SNX11: variants seen among roughly 807,000 people sequenced by gnomAD.
The protein encoded by SNX11 is sorting nexin-11.
SNX11 carries 19 observed loss-of-function variants against 30.7 expected under a neutral mutation model. That is an observed-to-expected ratio of 0.62 (90% CI 0.43 to 0.91). The LOEUF is 0.91. Among genes scored for constraint, SNX11 ranks in the 40% least tolerant of loss-of-function variants. The probability of loss-of-function intolerance (pLI) is 0.00; values close to 1 mark genes in which losing one functional copy is unlikely to be tolerated. For synonymous variants in SNX11, 112 were observed against 119.0 expected (o/e 0.94, Z 0.38); for missense variants, 302 against 326.7 (o/e 0.92, Z 0.58).
At chr17:48,119,298 C>T (rs966287281) in intron 6 of SNX11, 112 bp downstream of exon 6, 2 of 856,802 alleles carry the variant, frequency 2.3e-6, no homozygotes, top group East Asian at 2.6e-5. Flanking sequence ...CCTTTCACAA[C>T]CTTTCTTGTT....
Position 48,122,429 on chromosome 17 carries a change from A to G in SNX11, c.*921A>G, listed in dbSNP as rs78252109. 6.5e-6 allele frequency: 1 copy of G among 153,480 alleles called. No homozygotes were observed. The highest frequency in any genetic ancestry group is 1.5e-5 in the Non-Finnish European group (1 of 68,106). The allele number at this position is 153,480 out of a possible 1,614,324, so 9.5% of individuals were successfully genotyped here. ...AAGGGCTTTGTTTCTGCCTGCCTGA[A>G]AGAGAGGGCTCTGGGGATGGAGATG... On this transcript the variant is annotated 3_prime_UTR_variant, in exon 7 of 7. Transcript: ENST00000359238.
rs1480072258 is a variant in SNX11, at chr17:48,109,161, G to A, written c.-14+1323G>A. ...TTGGCCAGGCTGTTCTTGAACTCCTGGCCTCAAGTGTTCTGCCCGCCTCAG... is the reference window on the plus strand; with the variant it reads ...TTGGCCAGGCTGTTCTTGAACTCCTAGCCTCAAGTGTTCTGCCCGCCTCAG... On this transcript the variant is annotated intron_variant, in intron 1 of 6. Coordinates refer to ENST00000359238, the MANE Select transcript of SNX11 (RefSeq NM_013323.3). Among the ~76,000 whole-genome samples the A allele has an allele frequency of 3.3e-5, 5 of 151,336 alleles. No homozygotes were observed. The East Asian group carries it at 9.7e-4, about 29-fold the overall frequency.
intron 1 of SNX11, among the ~76,000 whole-genome samples, chr17:48,108,157 C>T (rs1014144863): frequency 6.6e-6 from 1 of 152,114 alleles, no homozygotes; most frequent in Non-Finnish European, 1.5e-5. Flanking sequence ...ACTCTGGGGA[C>T]ATTTACTTAA....
intron 1 of SNX11, among the ~76,000 whole-genome samples, chr17:48,109,265 CT>C (rs35219376): frequency 3.6e-4 from 50 of 139,906 alleles, no homozygotes; most frequent in Non-Finnish European, 3.7e-4. Context: ...CTGAAACTTT[CT>C]TTTTTTTTTT....
intron 1 of SNX11, among the ~76,000 whole-genome samples, chr17:48,110,035 TTCC>T (rs1393582240): frequency 6.6e-6 from 1 of 152,164 alleles, no homozygotes; most frequent in Non-Finnish European, 1.5e-5. Flanking sequence ...GTCATCGTCT[TTCC>T]CGTTGTTAGT....
intron 4 of SNX11, among the ~76,000 whole-genome samples, chr17:48,118,347 G>C (rs575000388): frequency 6.6e-6 from 1 of 152,088 alleles, no homozygotes; most frequent in African/African-American, 2.4e-5. Flanking sequence ...TTGGGAGGCC[G>C]AGGCAGGCAG....
chr17:48,113,548 GTT>G (rs377736294), intron 4 of SNX11, 147 bp downstream of exon 4: 6,545 of 405,162 alleles, frequency 0.016, no homozygotes, highest in East Asian at 0.024. Context: ...TGTTTTTTGG[GTT>G]TTTTTTTTTT....
In SNX11 at chr17:48,121,468, C is replaced by T. The variant is rs2144538984; in HGVS notation, c.773C>T (p.Pro258Leu). ...GCTGTGGGAGGAGATCATGCTGTGC[C>T]TTTGGACCCTGGTCAGTTAGAAACA... ...RRAVGGDHAV[P>L]LDPGQLETVL... The change falls in exon 7 of 7, where the codon CCT (proline) becomes CTT (leucine). Residue 258 changes from proline to leucine, a missense_variant. Physicochemically the swap from Pro to Leu is moderately conservative, Grantham distance 98. Coordinates refer to ENST00000359238, the MANE Select transcript of SNX11 (RefSeq NM_013323.3). The T allele has an allele frequency of 1.2e-6, 2 of 1,614,004 alleles. No individual in the cohort carries two copies. The highest frequency in any genetic ancestry group is 4.5e-5 in the East Asian group (2 of 44,876).
chr17:48,119,129 G>A lies in SNX11; in HGVS notation c.482G>A (p.Trp161Ter). The change falls in exon 6 of 7, where the codon TGG (tryptophan) becomes TAG (stop). Residue 161 changes from tryptophan to a stop codon, truncating the protein, a stop_gained. Coordinates refer to ENST00000359238, the MANE Select transcript of SNX11 (RefSeq NM_013323.3). LOFTEE classifies it high-confidence loss of function. ...CGATATGCTATGTCAAACTGTGGCT[G>A]GGCCCAGGAAGAGAGGCAGAGCTCT... is the stretch of plus-strand genomic sequence containing the variant. ...ILRYAMSNCG[W>*]AQEERQSSSH... 1 of 1,614,112 alleles carries A rather than the reference G, an allele frequency of 6.2e-7. No individual in the cohort carries two copies. The highest frequency in any genetic ancestry group is 8.5e-7 in the Non-Finnish European group (1 of 1,180,024).
Position 48,118,750 on chromosome 17 carries a change from GA to G in SNX11, c.278del (p.Asp93ValfsTer43), listed in dbSNP as rs1226037377. ...PGKSTFFGTS[D>X]EFIEKRRQGL... is the part of the protein sequence containing the mutation. ...GAAGTCAACCTTCTTCGGCACCTCA[GA>G]TGAGTTCATTGAGAAGCGACGACAA... is the stretch of plus-strand genomic sequence containing the variant. On this transcript the variant is annotated frameshift_variant, in exon 5 of 7. Transcript: ENST00000359238. LOFTEE classifies it high-confidence loss of function. 6.2e-7 allele frequency: 1 copy of G among 1,614,150 alleles called. No homozygotes were observed.
At chr17:48,120,076 A>G (rs946798851) in intron 6 of SNX11, among the ~76,000 whole-genome samples, 3 of 151,342 alleles carry the variant, frequency 2.0e-5, no homozygotes, top group African/African-American at 7.3e-5. Context: ...TTTGTATTTT[A>G]TCATGTGTCA....
Position 48,121,519 on chromosome 17 carries a change from C to T in SNX11, c.*11C>T. 1 of 1,612,016 alleles carries T rather than the reference C, an allele frequency of 6.2e-7. No individual in the cohort carries two copies. Among genetic ancestry groups the T allele is most frequent in the South Asian group, 1.1e-5 (1 of 90,934 alleles). ...GTTTTGGAAAAGTGAGCTCTGGGTT[C>T]TGCTCTGAGATGGTCAGAGAAGATG... On this transcript the variant is annotated 3_prime_UTR_variant, in exon 7 of 7. Coordinates refer to ENST00000359238, the MANE Select transcript of SNX11 (RefSeq NM_013323.3).
chr17:48,113,551 T>G (rs546008087), intron 4 of SNX11, 150 bp downstream of exon 4: 25 of 472,666 alleles, frequency 5.3e-5, no homozygotes, highest in Admixed American at 2.5e-4. Flanking sequence ...TTTTTGGGTT[T>G]TTTTTTTTTT....
chr17:48,113,512 A>G (rs2063511635), intron 4 of SNX11, 111 bp downstream of exon 4: 1 of 710,974 alleles, frequency 1.4e-6, no homozygotes, highest in South Asian at 1.6e-5. Context: ...CACTAAGGAA[A>G]TTGGGAAATA....
rs1405676643 is a variant in SNX11, at chr17:48,123,194, A to T, written c.*1686A>T. 2.0e-5 allele frequency: 3 copies of T among 152,184 alleles called. No individual in the cohort carries two copies. The highest frequency in any genetic ancestry group is 4.4e-5 in the Non-Finnish European group (3 of 68,052). 9.4% of individuals were successfully genotyped at this position (152,184 alleles called of 1,614,324 possible). On this transcript the variant is annotated 3_prime_UTR_variant, in exon 7 of 7. Coordinates refer to ENST00000359238, the MANE Select transcript of SNX11 (RefSeq NM_013323.3). ...AGAGGCAAATCCAAAATGTCAGAAG[A>T]AGTTCATTTAAAAGGGGAAAAAAAC...
chr17:48,112,920 T>G (rs1400298697), intron 3 of SNX11: 5 of 272,348 alleles, frequency 1.8e-5, no homozygotes, highest in Non-Finnish European at 3.5e-5. Flanking sequence ...ATTTTTTTAG[T>G]AGAGATGGGG....
At chr17:48,109,554 G>C (rs377208759) in intron 1 of SNX11, among the ~76,000 whole-genome samples, 1 of 150,700 alleles carries the variant, frequency 6.6e-6, no homozygotes, top group South Asian at 2.1e-4. Flanking sequence ...CACCGCACCC[G>C]GCCCATCTGG....
Position 48,119,047 on chromosome 17 carries a change from GAGAT to G in SNX11, c.404_407del (p.Ile135LysfsTer10), listed in dbSNP as rs762273182. On this transcript the variant is annotated frameshift_variant, in exon 6 of 7. Transcript: ENST00000359238. LOFTEE classifies it high-confidence loss of function. Reference sequence around the variant, plus strand: ...CCTGCAAAGCCAGCTCTCGGTGCCTGAGATAGAAGCCTGTGTCCAGGGCCGAAGT... The same window carrying G: ...CCTGCAAAGCCAGCTCTCGGTGCCTGAGAAGCCTGTGTCCAGGGCCGAAGT... 1 of 1,614,150 alleles carries G rather than the reference GAGAT, an allele frequency of 6.2e-7. No homozygotes were observed. The highest frequency in any genetic ancestry group is 8.5e-7 in the Non-Finnish European group (1 of 1,180,040).
At chr17:48,118,124 C>T (rs988477404) in intron 4 of SNX11, among the ~76,000 whole-genome samples, 1 of 152,162 alleles carries the variant, frequency 6.6e-6, no homozygotes, top group African/African-American at 2.4e-5. Context: ...TGCTTATTAG[C>T]TGTGTAACAG....
Sources: allele counts gnomAD v4.1 joint callset (sites outside exome capture counted in the v4.1 genomes callset), GRCh38; gene constraint gnomAD v4.1.1; transcripts MANE v1.5; gene names NCBI Gene and HGNC (gene_info 2026-07-23, HGNC 2026-07-21).